Variants in CMC1 observed in about 807,000 individuals in gnomAD.
CMC1 encodes the protein C-X9-C motif containing 1.
CMC1 carries 14 observed loss-of-function variants against 14.1 expected under a neutral mutation model. The ratio of observed to expected loss-of-function variants is 0.99; its 90% CI spans 0.66 to 1.55. The LOEUF (loss-of-function observed/expected upper bound fraction) is 1.55, where lower values mean the gene tolerates loss of function less well. Ranked by LOEUF, CMC1 falls within the 40% of genes most tolerant of loss-of-function variation. CMC1 has a pLI of 0.00. For missense variants in CMC1, 127 were observed against 123.8 expected (o/e 1.03, Z -0.12); for synonymous variants, 50 against 38.4 (o/e 1.30, Z -1.12).
chr3:28,290,586 A>G (rs930612289), intron 2 of CMC1, among the ~76,000 whole-genome samples: 2 of 152,028 alleles, frequency 1.3e-5, no homozygotes, highest in African/African-American at 4.8e-5. Flanking sequence ...TGAGTTTGGA[A>G]GCTTAACTGT....
chr3:28,307,789 A>G (rs766436772), intron 2 of CMC1, among the ~76,000 whole-genome samples: 46 of 152,200 alleles, frequency 3.0e-4, no homozygotes, highest in Non-Finnish European at 1.3e-4. Flanking sequence ...TTATTAAGAC[A>G]ATACAAATTC....
rs189672886 is a variant in CMC1 at position 28,244,526 on chromosome 3, G to C, written c.19+2714G>C. Among the ~76,000 whole-genome samples, 13 of 152,230 alleles carry C rather than the reference G, an allele frequency of 8.5e-5. 1 individual carries two copies. The highest frequency in any genetic ancestry group is 3.1e-4 in the African/African-American group (13 of 41,538). On this transcript the variant is annotated intron_variant, in intron 1 of 3. Transcript: ENST00000466830. The stretch of plus-strand genomic sequence containing the variant: ...GCAGATCGCATGAGCTCAGGAGTTT[G>C]AGACCACCCTGGGCAACATGGTGAA...
At chr3:28,253,156 G>A (rs144498798) in intron 1 of CMC1, among the ~76,000 whole-genome samples, 307 of 152,272 alleles carry the variant, frequency 2.0e-3, no homozygotes, top group African/African-American at 7.0e-3. Flanking sequence ...AGAAAAACTG[G>A]AGTCTGCCTA....
At chr3:28,245,625 G>A (rs1287011176) in intron 1 of CMC1, among the ~76,000 whole-genome samples, 1 of 152,160 alleles carries the variant, frequency 6.6e-6, no homozygotes, top group Admixed American at 6.5e-5. Flanking sequence ...AAAGGAGGAA[G>A]ATGGGACAGA....
intron 2 of CMC1, among the ~76,000 whole-genome samples, chr3:28,295,720 A>G (rs1266875302): frequency 6.6e-6 from 1 of 152,146 alleles, no homozygotes; most frequent in Admixed American, 6.6e-5. Context: ...TATTTAACAA[A>G]AGAATGAATT....
At chr3:28,254,675 T>G (rs761554971) in intron 1 of CMC1, among the ~76,000 whole-genome samples, 4 of 152,218 alleles carry the variant, frequency 2.6e-5, no homozygotes, top group Non-Finnish European at 5.9e-5. Context: ...ATTGCCTTAG[T>G]TATTTAAGAC....
In CMC1 at chr3:28,322,757, T is replaced by C. The variant is rs775311624; in HGVS notation, c.*3128T>C. 7 of 151,674 alleles carry C rather than the reference T, an allele frequency of 4.6e-5. No homozygotes were observed. Among genetic ancestry groups the C allele is most frequent in the African/African-American group, 1.4e-4 (6 of 41,440 alleles). The allele number at this position is 151,674 out of a possible 1,614,324, so 9.4% of individuals were successfully genotyped here. ...CAGACAAGCTTGAATAAGTGTAAGATAATAGAAAAAAATATCTAGTGAATG... is the reference window on the plus strand; with the variant it reads ...CAGACAAGCTTGAATAAGTGTAAGACAATAGAAAAAAATATCTAGTGAATG... On this transcript the variant is annotated 3_prime_UTR_variant, in exon 4 of 4. Transcript: ENST00000466830.
At chr3:28,273,491 G>T (rs189036747) in intron 2 of CMC1, among the ~76,000 whole-genome samples, 1 of 152,054 alleles carries the variant, frequency 6.6e-6, no homozygotes, top group Non-Finnish European at 1.5e-5. Flanking sequence ...CAGTTATTTC[G>T]CATTTGCTAA....
intron 1 of CMC1, among the ~76,000 whole-genome samples, chr3:28,249,141 T>C (rs1698997196): frequency 6.6e-6 from 1 of 152,258 alleles, no homozygotes; most frequent in Non-Finnish European, 1.5e-5. Context: ...GCTAAGAATG[T>C]GGTGTTTACC....
intron 2 of CMC1, among the ~76,000 whole-genome samples, chr3:28,280,846 A>G (rs1293979927): frequency 6.6e-6 from 1 of 152,188 alleles, no homozygotes; most frequent in African/African-American, 2.4e-5. Flanking sequence ...AATATATTGT[A>G]TTTATTCAAC....
rs545455663 is a variant in CMC1, at chr3:28,288,555, G to C, written c.109+25175G>C. Reference sequence around the variant, plus strand: ...AAGGAGCCAACTGAAAATAATTTTAGGTTTTATAGTTACTATTGAAGGTAA... The same window carrying C: ...AAGGAGCCAACTGAAAATAATTTTACGTTTTATAGTTACTATTGAAGGTAA... On this transcript the variant is annotated intron_variant, in intron 2 of 3. Transcript: ENST00000466830. Among the ~76,000 whole-genome samples, 395 of 152,000 alleles carry C rather than the reference G, an allele frequency of 2.6e-3. 2 individuals carry two copies. The highest frequency in any genetic ancestry group is 9.0e-3 in the African/African-American group (372 of 41,514).
At chr3:28,255,740 C>CACACACAG in intron 1 of CMC1, among the ~76,000 whole-genome samples, 1 of 151,680 alleles carries the variant, frequency 6.6e-6, no homozygotes, top group Non-Finnish European at 1.5e-5. Flanking sequence ...CACACACACA[C>CACACACAG]ACACACACAC....
intron 2 of CMC1, among the ~76,000 whole-genome samples, chr3:28,299,423 A>G (rs1701908272): frequency 6.6e-6 from 1 of 152,126 alleles, no homozygotes; most frequent in Non-Finnish European, 1.5e-5. Context: ...ACCATGATCC[A>G]TCTAGAGAGA....
At position 28,274,214 on chromosome 3, in the gene CMC1, T is replaced by TTTTTTC. The variant is rs1187929569; in HGVS notation, c.109+10840_109+10845dup. Among the ~76,000 whole-genome samples the TTTTTTC allele has an allele frequency of 4.1e-5, 5 of 122,610 alleles. No individual in the cohort carries two copies. In the South Asian group the frequency reaches 7.9e-4, roughly 19 times the overall value. 80.4% of individuals were successfully genotyped at this position (122,610 alleles called of 152,430 possible). On this transcript the variant is annotated intron_variant, in intron 2 of 3. Coordinates refer to ENST00000466830, the MANE Select transcript of CMC1 (RefSeq NM_182523.2). Reference sequence around the variant, plus strand: ...GGTCTTTGTACTAAAGTGTTTTTGTTTTTTTCTTTTTTTTTTTTTTTGCAG... The same window carrying TTTTTTC: ...GGTCTTTGTACTAAAGTGTTTTTGTTTTTTTCTTTTTCTTTTTTTTTTTTTTTGCAG...
rs948311980 is a variant in CMC1 at position 28,322,756 on chromosome 3, A to T, written c.*3127A>T. On this transcript the variant is annotated 3_prime_UTR_variant, in exon 4 of 4. Coordinates refer to ENST00000466830, the MANE Select transcript of CMC1 (RefSeq NM_182523.2). ...ACAGACAAGCTTGAATAAGTGTAAG[A>T]TAATAGAAAAAAATATCTAGTGAAT... 2.0e-5 allele frequency: 3 copies of T among 151,634 alleles called. No individual in the cohort carries two copies. The highest frequency in any genetic ancestry group is 3.0e-5 in the Non-Finnish European group (2 of 67,416). The allele number at this position is 151,634 out of a possible 1,614,324, so 9.4% of individuals were successfully genotyped here.
intron 2 of CMC1, among the ~76,000 whole-genome samples, chr3:28,282,137 C>A (rs143286954): frequency 0.012 from 1,794 of 152,220 alleles, 21 homozygotes; most frequent in Non-Finnish European, 0.016. Flanking sequence ...ATACTTCATA[C>A]AAATAAAACG....
At chr3:28,249,029 A>T (rs990352638) in intron 1 of CMC1, among the ~76,000 whole-genome samples, 1 of 152,166 alleles carries the variant, frequency 6.6e-6, no homozygotes, top group Non-Finnish European at 1.5e-5. Flanking sequence ...TGACCTTGTG[A>T]TCTGCCTGCC....
intron 2 of CMC1, among the ~76,000 whole-genome samples, chr3:28,271,067 A>G (rs1441856216): frequency 6.6e-6 from 1 of 151,528 alleles, no homozygotes; most frequent in Non-Finnish European, 1.5e-5. Context: ...AGTAGCTGGG[A>G]TTACAGGCAT....
At chr3:28,287,771 CAG>C (rs539011686) in intron 2 of CMC1, among the ~76,000 whole-genome samples, 8 of 151,640 alleles carry the variant, frequency 5.3e-5, no homozygotes, top group Non-Finnish European at 1.2e-4. Context: ...TATTAATGGT[CAG>C]AATCTTTAGT....
Sources: gnomAD v4.1 joint callset for allele counts (sites outside exome capture counted in the v4.1 genomes callset) on GRCh38, gnomAD v4.1.1 for gene constraint, MANE v1.5 for transcripts, NCBI Gene and HGNC (gene_info 2026-07-23, HGNC 2026-07-21) for gene names.